PHYH: variants seen among roughly 807,000 people sequenced by gnomAD.
PHYH encodes the protein phytanoyl-CoA 2-hydroxylase.
In PHYH, 32 loss-of-function variants were observed where a neutral mutation model predicts 38.5. The ratio of observed to expected loss-of-function variants is 0.83; its 90% CI spans 0.63 to 1.12. The LOEUF is 1.12. PHYH is among the 50% of genes most tolerant of loss of function. The pLI, the probability that PHYH is intolerant of heterozygous loss-of-function variation, is 0.00. For missense variants in PHYH, 426 were observed against 434.8 expected (o/e 0.98, Z 0.18); for synonymous variants, 166 against 157.9 (o/e 1.05, Z -0.38).
chr10:13,295,677 T>C, intron 2 of PHYH, 71 bp from the exon 3 acceptor site: 1 of 765,646 alleles, frequency 1.3e-6, no homozygotes, highest in Non-Finnish European at 2.4e-6. Context: ...GGCTCACACC[T>C]CTAATACTAG....
rs944074628 is a variant in PHYH at position 13,298,044 on chromosome 10, A to G, written c.134+143T>C. ...GGTCTCCAAAATTTTCCACAAGTGC[A>G]CTAATTAGAATAAGTCCTGGAAACA... On this transcript the variant is annotated intron_variant, in intron 2 of 8. Transcript: ENST00000263038. The G allele has an allele frequency of 4.9e-6, 3 of 609,306 alleles. No individual in the cohort carries two copies. The East Asian group carries it at 8.9e-5, about 18-fold the overall frequency. The allele number at this position is 609,306 out of a possible 1,614,324, so 37.7% of individuals were successfully genotyped here.
intron 7 of PHYH, among the ~76,000 whole-genome samples, chr10:13,281,929 A>G (rs1835422693): frequency 6.6e-6 from 1 of 152,242 alleles, no homozygotes; most frequent in Non-Finnish European, 1.5e-5. Context: ...TTATGAAATT[A>G]TAGTAATATT....
chr10:13,283,364 C>T (rs971045226), intron 7 of PHYH, among the ~76,000 whole-genome samples: 5 of 151,564 alleles, frequency 3.3e-5, no homozygotes, highest in Non-Finnish European at 7.4e-5. Context: ...CTCCTGACCT[C>T]GTGATCCACC....
rs141620654 is a variant in PHYH at position 13,287,104 on chromosome 10, G to A, written c.678+1256C>T. Among the ~76,000 whole-genome samples the A allele has an allele frequency of 3.5e-3, 528 of 152,296 alleles. 1 individual carries two copies. The highest frequency in any genetic ancestry group is 5.6e-3 in the Non-Finnish European group (384 of 68,030). ...GCCTGTAATCCTAGCACTTTGGGAG[G>A]CAGAGGTGGGCGGATCACGAGTTAA... On this transcript the variant is annotated intron_variant, in intron 6 of 8. Coordinates refer to ENST00000263038, the MANE Select transcript of PHYH (RefSeq NM_006214.4).
At chr10:13,288,592 T>C (rs1341968769) in intron 5 of PHYH, 51 bp from the exon 6 acceptor site, 4 of 1,563,374 alleles carry the variant, frequency 2.6e-6, no homozygotes, top group Non-Finnish European at 2.6e-6. Context: ...GTGCAGTGGC[T>C]CACGCCTGTA....
chr10:13,299,494 GGCAGCGC>G, intron 1 of PHYH: 2 of 1,003,662 alleles, frequency 2.0e-6, no homozygotes, highest in Non-Finnish European at 2.4e-6. Context: ...GGCCGCCCTG[GGCAGCGC>G]CTGCCTGGCC....
chr10:13,298,250 G>T lies in PHYH; in HGVS notation c.76-5C>A, dbSNP rs757109803. The T allele has an allele frequency of 1.3e-6, 2 of 1,589,278 alleles. No individual in the cohort carries two copies. The highest frequency in any genetic ancestry group is 1.7e-6 in the Non-Finnish European group (2 of 1,157,634). On this transcript the variant is annotated splice_region_variant and splice_polypyrimidine_tract_variant and intron_variant, in intron 1 of 8. Coordinates refer to ENST00000263038, the MANE Select transcript of PHYH (RefSeq NM_006214.4). ...CCCTGAAGTGGGATGAGCTACCTAG[G>T]ATGTGAATTAAGGCAAATAAAGTAA...
chr10:13,288,159 C>T (rs908492937), intron 6 of PHYH, among the ~76,000 whole-genome samples: 2 of 151,964 alleles, frequency 1.3e-5, no homozygotes, highest in Admixed American at 6.6e-5. Context: ...AACAAACAAA[C>T]AAAAAAAGTG....
At chr10:13,289,938 CAAAAA>C (rs151163708) in intron 5 of PHYH, among the ~76,000 whole-genome samples, 1 of 85,996 alleles carries the variant, frequency 1.2e-5, no homozygotes. Flanking sequence ...GACTCTGTCT[CAAAAA>C]AAAAAAAAAA....
In PHYH at chr10:13,295,493, T is replaced by C. The variant is rs1284789375; in HGVS notation, c.245+3A>G. ...TGTAAAATAACAAATAGTGTTACTG[T>C]ACCGAAAGCGTTGAATATCGGCATC... On this transcript the variant is annotated splice_donor_region_variant and intron_variant, in intron 3 of 8. Coordinates refer to ENST00000263038, the MANE Select transcript of PHYH (RefSeq NM_006214.4). The C allele has an allele frequency of 2.2e-6, 3 of 1,364,852 alleles. No homozygotes were observed. The highest frequency in any genetic ancestry group is 2.3e-5 in the South Asian group (2 of 86,040). The allele number at this position is 1,364,852 out of a possible 1,614,324, so 84.5% of individuals were successfully genotyped here.
chr10:13,283,153 C>T (rs1250908857), intron 7 of PHYH, among the ~76,000 whole-genome samples: 6 of 31,270 alleles, frequency 1.9e-4, no homozygotes, highest in African/African-American at 1.3e-3. Context: ...TTTTTTGAGA[C>T]GGAGTCTCGC....
In PHYH at chr10:13,288,481, C is replaced by T. The variant is rs749048954; in HGVS notation, c.557G>A (p.Ser186Asn). The T allele has an allele frequency of 1.9e-6, 3 of 1,614,110 alleles. No individual in the cohort carries two copies. The highest frequency in any genetic ancestry group is 3.3e-5 in the Admixed American group (2 of 60,014). Reference sequence around the variant, plus strand: ...CGTCCAGGCGCAAACGATGAGATCGCTGGGCCTGAAGGGGAAATAGTGCAG... The same window carrying T: ...CGTCCAGGCGCAAACGATGAGATCGTTGGGCCTGAAGGGGAAATAGTGCAG... ...QDLHYFPFRP[S>N]DLIVCAWTAM... The change falls in exon 6 of 9, where the codon AGC (serine) becomes AAC (asparagine). Residue 186 changes from serine (S) to asparagine (N), a missense_variant. Transcript: ENST00000263038.
At chr10:13,298,921 AAAATAAT>A (rs1459463204) in intron 1 of PHYH, among the ~76,000 whole-genome samples, 1,073 of 84,044 alleles carry the variant, frequency 0.013, 15 homozygotes, top group African/African-American at 0.026. Flanking sequence ...CTCCGTCTCA[AAAATAAT>A]AATAATAATA....
In PHYH at chr10:13,278,374, G is replaced by C. The variant is rs1347920905; in HGVS notation, c.964-20C>G. The C allele has an allele frequency of 1.3e-6, 2 of 1,594,874 alleles. No individual in the cohort carries two copies. The highest frequency in any genetic ancestry group is 1.7e-5 in the Admixed American group (1 of 60,000). On this transcript the variant is annotated intron_variant, in intron 8 of 8. Transcript: ENST00000263038. The stretch of plus-strand genomic sequence containing the variant: ...AATATCCTGGAAATAATATCAAACA[G>C]AGTGGGTTTATGGAACACTTCAATC...
intron 7 of PHYH, 55 bp downstream of exon 7, chr10:13,283,635 A>C (rs1835470813): frequency 3.3e-6 from 5 of 1,533,518 alleles, no homozygotes; most frequent in Non-Finnish European, 4.5e-6. Context: ...AATTGAATAC[A>C]ATTTTTGTTT....
At chr10:13,293,835 A>G (rs1242315631) in intron 4 of PHYH, among the ~76,000 whole-genome samples, 2 of 152,158 alleles carry the variant, frequency 1.3e-5, no homozygotes, top group Non-Finnish European at 2.9e-5. Context: ...ATTTAAAAAT[A>G]AATATCTATT....
At chr10:13,290,849 C>T (rs1221238542) in intron 5 of PHYH, among the ~76,000 whole-genome samples, 2 of 152,114 alleles carry the variant, frequency 1.3e-5, no homozygotes, top group Non-Finnish European at 2.9e-5. Flanking sequence ...GTAATCCCAG[C>T]ACTTTGGGAG....
At chr10:13,282,842 T>G (rs1835446941) in intron 7 of PHYH, among the ~76,000 whole-genome samples, 1 of 152,148 alleles carries the variant, frequency 6.6e-6, no homozygotes, top group African/African-American at 2.4e-5. Context: ...CAGAGTCTTT[T>G]TTTGGCATCC....
chr10:13,277,874 T>C lies in PHYH; in HGVS notation c.*427A>G, dbSNP rs1317410062. 1 of 291,004 alleles carries C rather than the reference T, an allele frequency of 3.4e-6. No individual in the cohort carries two copies. The highest frequency in any genetic ancestry group is 2.2e-5 in the African/African-American group (1 of 45,044). 18.0% of individuals were successfully genotyped at this position (291,004 alleles called of 1,614,324 possible). Reference sequence around the variant, plus strand: ...CCCTTGACTAGATGTGAATGTATTATACATTGTTCTAGATTTGGGGGAAAA... The same window carrying C: ...CCCTTGACTAGATGTGAATGTATTACACATTGTTCTAGATTTGGGGGAAAA... On this transcript the variant is annotated 3_prime_UTR_variant, in exon 9 of 9. Transcript: ENST00000263038.
Sources: gnomAD v4.1 joint callset for allele counts (sites outside exome capture counted in the v4.1 genomes callset) on GRCh38, gnomAD v4.1.1 for gene constraint, MANE v1.5 for transcripts, NCBI Gene and HGNC (gene_info 2026-07-23, HGNC 2026-07-21) for gene names.